Variants in CSMD3 observed in about 807,000 individuals in gnomAD.
The protein encoded by CSMD3 is CUB and Sushi multiple domains 3.
Under a neutral mutation model 435.2 loss-of-function variants are expected in CSMD3, and 177 were observed. That is an observed-to-expected ratio of 0.41 (90% CI 0.36 to 0.46). CSMD3 has a LOEUF of 0.46. CSMD3 is among the 20% of genes least tolerant of loss of function. The probability of loss-of-function intolerance (pLI) is 0.34; values close to 1 mark genes in which losing one functional copy is unlikely to be tolerated. For synonymous variants in CSMD3, 1,656 were observed against 1,520.5 expected (o/e 1.09, Z -2.07); for missense variants, 4,265 against 4,504.6 (o/e 0.95, Z 1.52).
chr8:113,088,147 A>C (rs1484888422), intron 5 of CSMD3, among the ~76,000 whole-genome samples: 9 of 150,164 alleles, frequency 6.0e-5, no homozygotes, highest in African/African-American at 1.5e-4. Flanking sequence ...ATGCAAATCA[A>C]AACCACAATG....
chr8:113,310,801 T>C (rs1023804923), intron 2 of CSMD3: 5 of 151,652 alleles, frequency 3.3e-5, no homozygotes, highest in African/African-American at 4.8e-5. Context: ...ATATAGAAAA[T>C]ATATATTCAT....
At chr8:113,034,372 C>CTA (rs765631668) in intron 5 of CSMD3, among the ~76,000 whole-genome samples, 12 of 151,368 alleles carry the variant, frequency 7.9e-5, no homozygotes, top group Admixed American at 2.6e-4. Flanking sequence ...CAGATACATG[C>CTA]TATAACATGA....
intron 10 of CSMD3, among the ~76,000 whole-genome samples, chr8:112,872,936 A>G (rs2081177898): frequency 6.6e-6 from 1 of 151,920 alleles, no homozygotes; most frequent in Admixed American, 6.6e-5. Context: ...GAAAGAATTA[A>G]GAAGATGATC....
At chr8:113,180,797 T>C (rs2092412229) in intron 3 of CSMD3, among the ~76,000 whole-genome samples, 2 of 151,990 alleles carry the variant, frequency 1.3e-5, no homozygotes, top group Admixed American at 6.6e-5. Context: ...TCAAATTACA[T>C]AGTTATGTGA....
chr8:113,172,348 A>G (rs1199908752), intron 4 of CSMD3, among the ~76,000 whole-genome samples: 1 of 152,198 alleles, frequency 6.6e-6, no homozygotes, highest in East Asian at 1.9e-4. Flanking sequence ...TAGTATATTT[A>G]TAGTGCTTAA....
At chr8:113,219,099 T>G (rs775030121) in intron 3 of CSMD3, among the ~76,000 whole-genome samples, 1 of 151,280 alleles carries the variant, frequency 6.6e-6, no homozygotes, top group Non-Finnish European at 1.5e-5. Flanking sequence ...TATAAATACA[T>G]CAATCTAAAA....
At chr8:112,611,087 G>A (rs1586803299) in intron 22 of CSMD3, among the ~76,000 whole-genome samples, 1 of 152,166 alleles carries the variant, frequency 6.6e-6, no homozygotes, top group Non-Finnish European at 1.5e-5. Flanking sequence ...ATTATATGAA[G>A]AGGAAACAAA....
At chr8:112,954,834 T>G (rs1435651073) in intron 7 of CSMD3, 73 bp from the exon 8 acceptor site, 1 of 926,534 alleles carries the variant, frequency 1.1e-6, no homozygotes, top group African/African-American at 1.6e-5. Context: ...TAACAAATTT[T>G]GTTAGCATGG....
Position 112,622,202 on chromosome 8 carries a change from C to T in CSMD3, c.3715+14615G>A, listed in dbSNP as rs138716061. ...ACAAATTAAGGAGTATGTAATCAAA[C>T]ATTCTGAAGATCTTTAGCACCAATA... On this transcript the variant is annotated intron_variant, in intron 22 of 70. Transcript: ENST00000297405. 2.6e-3 allele frequency among the ~76,000 whole-genome samples: 392 copies of T among 152,210 alleles called. 1 individual carries two copies. The highest frequency in any genetic ancestry group is 4.7e-3 in the Non-Finnish European group (318 of 68,002).
At chr8:112,793,718 A>G (rs56880804) in intron 13 of CSMD3, among the ~76,000 whole-genome samples, 58,230 of 151,896 alleles carry the variant, frequency 0.38, 12,640 homozygotes, top group African/African-American at 0.6. Context: ...TTACAGCATG[A>G]CTGTAATAAA....
chr8:113,034,445 G>A (rs1318574353), intron 5 of CSMD3, among the ~76,000 whole-genome samples: 4 of 146,156 alleles, frequency 2.7e-5, no homozygotes, highest in African/African-American at 9.8e-5. Flanking sequence ...TACATTATAT[G>A]ATTCTATTTA....
chr8:112,393,490 G>T (rs939253658), intron 35 of CSMD3, among the ~76,000 whole-genome samples: 1 of 152,102 alleles, frequency 6.6e-6, no homozygotes, highest in Admixed American at 6.6e-5. Flanking sequence ...CTATGCTTCC[G>T]TATTATTTTT....
chr8:112,502,451 C>A (rs1256497418), intron 30 of CSMD3, among the ~76,000 whole-genome samples: 1 of 152,200 alleles, frequency 6.6e-6, no homozygotes, highest in African/African-American at 2.4e-5. Context: ...CCAGCAGATA[C>A]CCTTGCCCTG....
intron 70 of CSMD3, among the ~76,000 whole-genome samples, chr8:112,227,124 A>G (rs1481894353): frequency 6.6e-6 from 1 of 152,152 alleles, no homozygotes; most frequent in African/African-American, 2.4e-5. Flanking sequence ...TTATACACAA[A>G]TGTGTACAGT....
chr8:113,370,412 GT>G (rs113514823), intron 1 of CSMD3, among the ~76,000 whole-genome samples: 297 of 144,568 alleles, frequency 2.1e-3, no homozygotes, highest in East Asian at 2.8e-3. Context: ...TTGTGATTAG[GT>G]TTTTTTTTTT....
At chr8:113,371,937 A>C in intron 1 of CSMD3, among the ~76,000 whole-genome samples, 1 of 152,200 alleles carries the variant, frequency 6.6e-6, no homozygotes, top group East Asian at 1.9e-4. Context: ...TTCAATGAGA[A>C]CAATATTATA....
chr8:112,742,185 T>C (rs2077328046), intron 13 of CSMD3, among the ~76,000 whole-genome samples: 1 of 151,954 alleles, frequency 6.6e-6, no homozygotes, highest in Admixed American at 6.6e-5. Context: ...GAGGAGAATC[T>C]GGACTGCTAG....
Position 112,975,714 on chromosome 8 carries a change from T to G in CSMD3, c.1342+123A>C, listed in dbSNP as rs1587805920. On this transcript the variant is annotated intron_variant, in intron 7 of 70. Coordinates refer to ENST00000297405, the MANE Select transcript of CSMD3 (RefSeq NM_198123.2). ...TTACTATCCATATTTTTCAGCTACT[T>G]TGAACTTTTTCTTTTGCTTTCTATA... The G allele has an allele frequency of 2.7e-6, 4 of 1,474,726 alleles. No homozygotes were observed. In the East Asian group the frequency reaches 9.1e-5, roughly 34 times the overall value. 91.4% of individuals were successfully genotyped at this position (1,474,726 alleles called of 1,614,324 possible). A position where few individuals can be genotyped will look rare whatever the true frequency, so the allele number is the denominator to read the frequency against.
At chr8:112,559,168 A>C (rs1003633579) in intron 24 of CSMD3, among the ~76,000 whole-genome samples, 9 of 151,906 alleles carry the variant, frequency 5.9e-5, no homozygotes, top group African/African-American at 2.2e-4. Context: ...ATAGTGAGAA[A>C]ACTCCAGAGA....
Sources: gnomAD v4.1 joint callset for allele counts (sites outside exome capture counted in the v4.1 genomes callset) on GRCh38, gnomAD v4.1.1 for gene constraint, MANE v1.5 for transcripts, NCBI Gene and HGNC (gene_info 2026-07-23, HGNC 2026-07-21) for gene names.